The following MLPH variants were observed in gnomAD, a reference collection of about 807,000 sequenced individuals.
MLPH encodes melanophilin.
In MLPH, 51 loss-of-function variants were observed where a neutral mutation model predicts 72.1. The observed-to-expected ratio is 0.71, with a 90% confidence interval of 0.56 to 0.89. MLPH has a LOEUF of 0.89. Among genes scored for constraint, MLPH ranks in the 40% least tolerant of loss-of-function variants. MLPH has a pLI of 0.00. For missense variants in MLPH, 743 were observed against 759.9 expected, an observed-to-expected ratio of 0.98 and a Z score of 0.26; for synonymous variants, 301 against 310.1, an observed-to-expected ratio of 0.97 and a Z score of 0.31.
chr2:237,539,666 C>G (rs1398208512), intron 9 of MLPH, among the ~76,000 whole-genome samples: 2 of 152,216 alleles, frequency 1.3e-5, no homozygotes, highest in African/African-American at 4.8e-5. Flanking sequence ...GAACTAGACC[C>G]TTTAAGGACT....
Position 237,541,732 on chromosome 2 carries a change from C to T in MLPH, c.1446+775C>T, listed in dbSNP as rs534099699. Among the ~76,000 whole-genome samples, 3 of 152,240 alleles carry T rather than the reference C, an allele frequency of 2.0e-5. No individual in the cohort carries two copies. The highest frequency in any genetic ancestry group is 4.4e-5 in the Non-Finnish European group (3 of 68,046). ...GAAGATCTGGTGCAAATACCTTAGA[C>T]GAAGCCCCAGCCTTCCTGGAGCTTG... On this transcript the variant is annotated intron_variant, in intron 11 of 15. Coordinates refer to ENST00000264605, the MANE Select transcript of MLPH (RefSeq NM_024101.7). The surrounding 1 kb of genome is among the most constrained non-coding windows in gnomAD (Gnocchi z 5.1).
rs1002437510 is a variant in MLPH at position 237,504,801 on chromosome 2, G to T, written c.111-5773G>T. 3.9e-5 allele frequency among the ~76,000 whole-genome samples: 6 copies of T among 152,210 alleles called. 1 individual carries two copies. The highest frequency in any genetic ancestry group is 8.8e-5 in the Non-Finnish European group (6 of 68,040). ...TTGTTTCTTCTCTCTGGTTAGGAGA[G>T]TTTTCCTGTGTTGTTAGGGTGACGG... On this transcript the variant is annotated intron_variant, in intron 2 of 15. Transcript: ENST00000264605.
intron 9 of MLPH, among the ~76,000 whole-genome samples, chr2:237,539,475 G>A (rs996107985): frequency 1.3e-5 from 2 of 152,164 alleles, no homozygotes; most frequent in African/African-American, 2.4e-5. Flanking sequence ...CAATCTCATC[G>A]CCTACCTTAG....
chr2:237,498,761 G>A (rs1319253758), intron 2 of MLPH, among the ~76,000 whole-genome samples: 1 of 152,236 alleles, frequency 6.6e-6, no homozygotes, highest in African/African-American at 2.4e-5. Flanking sequence ...ATATAGAGTG[G>A]GAGGGCTGTT....
chr2:237,496,968 G>A (rs1334847797), intron 2 of MLPH, among the ~76,000 whole-genome samples: 1 of 152,126 alleles, frequency 6.6e-6, no homozygotes, highest in Non-Finnish European at 1.5e-5. Flanking sequence ...AACCTTTTTG[G>A]TACCAGAGAC....
At chr2:237,533,822 C>G (rs1343333493) in intron 8 of MLPH, among the ~76,000 whole-genome samples, 1 of 152,254 alleles carries the variant, frequency 6.6e-6, no homozygotes, top group Non-Finnish European at 1.5e-5. Flanking sequence ...CTCAGCCAGT[C>G]ATGTTCTTCG....
intron 7 of MLPH, 69 bp from the exon 8 acceptor site, chr2:237,527,308 T>C (rs778886265): frequency 1.0e-4 from 166 of 1,599,120 alleles, no homozygotes; most frequent in Admixed American, 6.2e-4. Flanking sequence ...TTTTCTTCAT[T>C]GGACTAAACA....
At chr2:237,546,914 A>C (rs1332295082) in intron 13 of MLPH, among the ~76,000 whole-genome samples, 1 of 152,012 alleles carries the variant, frequency 6.6e-6, no homozygotes, top group East Asian at 1.9e-4. Context: ...AAAATCCAAG[A>C]AAGCCCAGTA....
intron 2 of MLPH, among the ~76,000 whole-genome samples, chr2:237,497,041 G>T (rs2079550456): frequency 6.6e-6 from 1 of 152,168 alleles, no homozygotes; most frequent in South Asian, 2.1e-4. Context: ...CTGGGGGCAG[G>T]GTTGGAGATG....
At position 237,518,536 on chromosome 2, in the gene MLPH, C is replaced by T. The variant is rs2080103010; in HGVS notation, c.446-3C>T. On this transcript the variant is annotated splice_polypyrimidine_tract_variant and splice_region_variant and intron_variant, in intron 4 of 15. Transcript: ENST00000264605. ...GGTGGAGTCATGCAGGTATCTATTG[C>T]AGCTGGGCCTGAACTGATATCTGAA... 1 of 1,610,184 alleles carries T rather than the reference C, an allele frequency of 6.2e-7. No homozygotes were observed. Among genetic ancestry groups the T allele is most frequent in the African/African-American group, 1.3e-5 (1 of 74,794 alleles).
At chr2:237,538,664 A>G (rs13422959) in intron 9 of MLPH, among the ~76,000 whole-genome samples, 41,115 of 152,020 alleles carry the variant, frequency 0.27, 8,235 homozygotes, top group African/African-American at 0.55. Flanking sequence ...GATGAAATCC[A>G]CCCCCAACAC....
chr2:237,486,434 G>A, upstream of MLPH: 1 of 152,464 alleles, frequency 6.6e-6, no homozygotes, highest in Non-Finnish European at 1.5e-5. Flanking sequence ...GGACAGGCAG[G>A]CCGGGCGGAC....
chr2:237,516,914 A>AGGATGGATGGATGGTAGGAT (rs2080039514), intron 4 of MLPH, among the ~76,000 whole-genome samples: 1 of 119,232 alleles, frequency 8.4e-6, no homozygotes, highest in Non-Finnish European at 1.7e-5. Context: ...GATGGATGGT[A>AGGATGGATGGATGGTAGGAT]GGATGGATGG....
chr2:237,536,500 A>C (rs1203995696), intron 9 of MLPH, among the ~76,000 whole-genome samples: 1 of 152,214 alleles, frequency 6.6e-6, no homozygotes, highest in Non-Finnish European at 1.5e-5. Flanking sequence ...GGAGAGCACC[A>C]GCTGAAAGCA....
At chr2:237,486,991 G>T (rs1197542117), upstream of MLPH, among the ~76,000 whole-genome samples, 2 of 152,134 alleles carry the variant, frequency 1.3e-5, no homozygotes. Context: ...TGTCACCTAT[G>T]CAAAGTCGCC....
chr2:237,519,164 CGAG>C (rs2080121819), intron 5 of MLPH, among the ~76,000 whole-genome samples: 3 of 151,894 alleles, frequency 2.0e-5, no homozygotes, highest in South Asian at 4.2e-4. Flanking sequence ...GCGAGACAAA[CGAG>C]GTAACACCTG....
At chr2:237,546,540 C>T in intron 12 of MLPH, 66 bp from the exon 13 acceptor site, 1 of 1,393,172 alleles carries the variant, frequency 7.2e-7, no homozygotes, top group African/African-American at 1.4e-5. Context: ...CCAGCTGACC[C>T]ATGCCCATGC....
intron 14 of MLPH, chr2:237,552,121 A>G: frequency 1.9e-6 from 1 of 532,754 alleles, no homozygotes; most frequent in South Asian, 2.1e-5. Flanking sequence ...TGTTAATGCC[A>G]GTGCCAGAGC....
At chr2:237,528,007 C>G (rs951790347) in intron 8 of MLPH, among the ~76,000 whole-genome samples, 22 of 152,294 alleles carry the variant, frequency 1.4e-4, no homozygotes, top group African/African-American at 5.1e-4. Flanking sequence ...GAACACTGTG[C>G]TAAGTGAAAT....
Sources: gnomAD v4.1 joint callset for allele counts (sites outside exome capture counted in the v4.1 genomes callset) on GRCh38, gnomAD v4.1.1 for gene constraint, Gnocchi (gnomAD v3.1) non-coding constraint, MANE v1.5 for transcripts, NCBI Gene and HGNC (gene_info 2026-07-23, HGNC 2026-07-21) for gene names.